FOXN3: variants seen among roughly 807,000 people sequenced by gnomAD.
The protein encoded by FOXN3 is forkhead box N3, also known as forkhead box protein N3.
A neutral mutation model predicts 38.4 loss-of-function variants in FOXN3; 7 were observed. The ratio of observed to expected loss-of-function variants is 0.18; its 90% confidence interval spans 0.10 to 0.34. The LOEUF (loss-of-function observed/expected upper bound fraction) is 0.34, where lower values mean the gene tolerates loss of function less well. FOXN3 is among the 10% of genes least tolerant of loss of function. The pLI is 1.00. For synonymous variants in FOXN3, 230 were observed against 242.2 expected (o/e 0.95, Z 0.47); for missense variants, 456 against 613.4 (o/e 0.74, Z 2.71).
upstream of FOXN3, among the ~76,000 whole-genome samples, chr14:89,420,122 T>C (rs1398976220): frequency 1.3e-5 from 2 of 152,210 alleles, no homozygotes; most frequent in Non-Finnish European, 2.9e-5. Context: ...ACCCTGCAGG[T>C]TGGCTTCCTC....
chr14:89,552,166 G>A (rs1479786447), intron 1 of FOXN3, among the ~76,000 whole-genome samples: 1 of 152,172 alleles, frequency 6.6e-6, no homozygotes, highest in Non-Finnish European at 1.5e-5. Context: ...GTTAAGACAG[G>A]ACTTGGGCCA....
intron 3 of FOXN3, among the ~76,000 whole-genome samples, chr14:89,286,839 C>T (rs912760592): frequency 2.6e-5 from 4 of 152,202 alleles, no homozygotes; most frequent in African/African-American, 9.6e-5. Flanking sequence ...GTTTGAGAAG[C>T]ATCACTAAGA....
At chr14:89,612,403 G>C (rs1896410443) in intron 1 of FOXN3, among the ~76,000 whole-genome samples, 2 of 152,152 alleles carry the variant, frequency 1.3e-5, no homozygotes, top group Non-Finnish European at 1.5e-5. Flanking sequence ...TCTTAATTTA[G>C]AGATATTTAT....
intron 1 of FOXN3, among the ~76,000 whole-genome samples, chr14:89,587,035 AG>A (rs1325719956): frequency 1.3e-5 from 2 of 152,364 alleles, no homozygotes; most frequent in African/African-American, 4.8e-5. Context: ...GCACAATTAC[AG>A]GGGCTGGTGA....
At chr14:89,593,495 T>A (rs1895999170) in intron 1 of FOXN3, among the ~76,000 whole-genome samples, 1 of 152,020 alleles carries the variant, frequency 6.6e-6, no homozygotes, top group Non-Finnish European at 1.5e-5. Context: ...CAAAAATCAT[T>A]GGTCTCACTG....
chr14:89,219,077 T>C (rs1187718483), intron 4 of FOXN3, among the ~76,000 whole-genome samples: 2 of 152,216 alleles, frequency 1.3e-5, no homozygotes, highest in Non-Finnish European at 2.9e-5. Flanking sequence ...TGCTTAATAC[T>C]TGACAGGCAC....
chr14:89,188,665 C>G (rs1330638895), intron 4 of FOXN3, among the ~76,000 whole-genome samples: 1 of 152,192 alleles, frequency 6.6e-6, no homozygotes, highest in Non-Finnish European at 1.5e-5. Flanking sequence ...AACTAATGAT[C>G]ACTGTGTAGT....
At chr14:89,534,050 T>C (rs879683967) in intron 1 of FOXN3, among the ~76,000 whole-genome samples, 1 of 151,784 alleles carries the variant, frequency 6.6e-6, no homozygotes, top group African/African-American at 2.4e-5. Context: ...AGAGATGTGC[T>C]TCCCCCCCGC....
chr14:89,341,094 C>G (rs925369873), intron 3 of FOXN3, among the ~76,000 whole-genome samples: 1 of 152,150 alleles, frequency 6.6e-6, no homozygotes, highest in African/African-American at 2.4e-5. Context: ...AGCGATAACC[C>G]TGCAGTTCTC....
At chr14:89,198,864 A>G (rs1888164003) in intron 4 of FOXN3, among the ~76,000 whole-genome samples, 1 of 152,248 alleles carries the variant, frequency 6.6e-6, no homozygotes, top group East Asian at 1.9e-4. Context: ...ACTATCTCCA[A>G]TAGAACACAT....
intron 4 of FOXN3, among the ~76,000 whole-genome samples, chr14:89,184,326 G>A (rs1887747850): frequency 6.6e-6 from 1 of 152,222 alleles, no homozygotes; most frequent in South Asian, 2.1e-4. Flanking sequence ...ATCCAAGTTA[G>A]GGAGCGCAAG....
intron 4 of FOXN3, among the ~76,000 whole-genome samples, chr14:89,191,340 G>T (rs1887936102): frequency 6.6e-6 from 1 of 152,178 alleles, no homozygotes; most frequent in African/African-American, 2.4e-5. Flanking sequence ...CGTCCCAGCT[G>T]CCCTGGGGCG....
intron 1 of FOXN3, among the ~76,000 whole-genome samples, chr14:89,540,631 T>C (rs1894774700): frequency 6.6e-6 from 1 of 150,730 alleles, no homozygotes; most frequent in African/African-American, 2.4e-5. Flanking sequence ...CCCAGCTACT[T>C]GGGAGGCTGA....
rs1205566920 is a variant in FOXN3 at position 89,427,391 on chromosome 14, C to T, written c.-14-14901G>A. 2.8e-5 allele frequency among the ~76,000 whole-genome samples: 4 copies of T among 141,576 alleles called. No homozygotes were observed. In the South Asian group the frequency reaches 9.2e-4, roughly 33 times the overall value. The allele number at this position is 141,576 out of a possible 152,430, so 92.9% of individuals were successfully genotyped here. On this transcript the variant is annotated intron_variant, in intron 1 of 6. Transcript: ENST00000345097. ...TGCGATCTTGGCTCACTGCAACCTC[C>T]GCCTCCTGGGTTCAAGCGATTCTCC...
At chr14:89,436,439 G>A (rs533815628) in intron 1 of FOXN3, among the ~76,000 whole-genome samples, 1 of 152,264 alleles carries the variant, frequency 6.6e-6, no homozygotes, top group South Asian at 2.1e-4. Context: ...ACATGTTAGG[G>A]TGCACATTTG....
intron 3 of FOXN3, among the ~76,000 whole-genome samples, chr14:89,328,888 A>G (rs1264658058): frequency 6.6e-6 from 1 of 152,186 alleles, no homozygotes; most frequent in East Asian, 1.9e-4. Context: ...GAAAGATATA[A>G]GACGTGCAAT....
In FOXN3 at chr14:89,348,667, C is replaced by CTTT. The variant is rs1566962834; in HGVS notation, c.680+2004_680+2005insAAA. The stretch of plus-strand genomic sequence containing the variant: ...CAGAAGCAGAAACTGGTTTTTTTTC[C>CTTT]CCCCTCAGTCAACTGGGGATAAAGG... On this transcript the variant is annotated intron_variant, in intron 3 of 5. Coordinates refer to ENST00000557258, the MANE Select transcript of FOXN3 (RefSeq NM_005197.4). 7.1e-3 allele frequency among the ~76,000 whole-genome samples: 1,070 copies of CTTT among 151,026 alleles called. 20 individuals carry two copies. The highest frequency in any genetic ancestry group is 0.025 in the African/African-American group (1,015 of 41,136).
intron 2 of FOXN3, among the ~76,000 whole-genome samples, chr14:89,354,774 G>C (rs1889137850): frequency 6.6e-6 from 1 of 151,726 alleles, no homozygotes; most frequent in African/African-American, 2.4e-5. Context: ...ATAATCTCTT[G>C]AACCCAGGAG....
At chr14:89,190,393 G>C in intron 4 of FOXN3, 1 of 1,613,328 alleles carries the variant, frequency 6.2e-7, no homozygotes. Context: ...CAACCTGCTT[G>C]TATCTCAGGG....
Sources: gnomAD v4.1 joint callset for allele counts (sites outside exome capture counted in the v4.1 genomes callset) on GRCh38, gnomAD v4.1.1 for gene constraint, MANE v1.5 for transcripts, NCBI Gene and HGNC (gene_info 2026-07-23, HGNC 2026-07-21) for gene names.